The following PCNT variants were observed in gnomAD, a reference collection of about 807,000 sequenced individuals.
PCNT encodes the protein kendrin.
Under a neutral mutation model 380.4 loss-of-function variants are expected in PCNT, and 319 were observed. The observed-to-expected ratio is 0.84, with a 90% CI of 0.77 to 0.92. The LOEUF (loss-of-function observed/expected upper bound fraction) is 0.92. Ranked by LOEUF, PCNT falls within the 40% of genes least tolerant of loss-of-function variation. PCNT has a pLI of 0.00. For missense variants in PCNT, 4,400 were observed against 4,255.3 expected (o/e 1.03, Z -0.95); for synonymous variants, 1,845 against 1,735.2 (o/e 1.06, Z -1.57).
At chr21:46,440,264 G>A (rs1332622061) in intron 42 of PCNT, 62 bp downstream of exon 42, 2 of 1,586,412 alleles carry the variant, frequency 1.3e-6, no homozygotes, top group Admixed American at 1.7e-5. Flanking sequence ...TTTGCAAATT[G>A]CAGGCAAAGC....
chr21:46,373,783 GCA>G (rs761573174), intron 15 of PCNT, among the ~76,000 whole-genome samples: 21 of 134,826 alleles, frequency 1.6e-4, no homozygotes, highest in Non-Finnish European at 2.9e-4. Context: ...AGGCTGGAGT[GCA>G]GTGGCATGAT....
chr21:46,436,821 T>C (rs1288345460), intron 39 of PCNT, among the ~76,000 whole-genome samples, 158 bp from the exon 40 acceptor site: 2 of 152,150 alleles, frequency 1.3e-5, no homozygotes, highest in African/African-American at 4.8e-5. Context: ...GTTGCCCCCG[T>C]GGGCCCCTGG....
Position 46,427,678 on chromosome 21 carries a change from G to C in PCNT, c.7377G>C (p.Glu2459Asp). 6.2e-7 allele frequency: 1 copy of C among 1,613,978 alleles called. No individual in the cohort carries two copies. The highest frequency in any genetic ancestry group is 8.5e-7 in the Non-Finnish European group (1 of 1,180,016). ...WRGDLLQVVQ[E>D]AFEKEQEMQG... ...GGGACCTTCTGCAGGTTGTGCAAGA[G>C]GCCTTTGAAAAAGAGCAGGAGATGC... The change falls in exon 34 of 47, where the codon GAG becomes GAC. Residue 2459 changes from glutamate to aspartate, a missense_variant. Coordinates refer to ENST00000359568, the MANE Select transcript of PCNT (RefSeq NM_006031.6).
At chr21:46,438,888 G>A (rs999095038) in intron 41 of PCNT, among the ~76,000 whole-genome samples, 1 of 151,864 alleles carries the variant, frequency 6.6e-6, no homozygotes, top group Non-Finnish European at 1.5e-5. Context: ...GGCCAGGCTG[G>A]TCTCAAAATC....
In PCNT at chr21:46,357,144, T is replaced by A. The variant is rs771939607; in HGVS notation, c.2107T>A (p.Tyr703Asn). Residue 703 changes from tyrosine (Y) to asparagine (N), a missense_variant, in exon 13 of 47, where the codon TAT becomes AAT. Physicochemically the swap from Tyr to Asn is moderately radical, Grantham distance 143. Coordinates refer to ENST00000359568, the MANE Select transcript of PCNT (RefSeq NM_006031.6). ...CCTAAAAATAGAAAATAGAAATTTGTATGGGAAGTTGCAGCATGAAACTCG... is the reference window on the plus strand; with the variant it reads ...CCTAAAAATAGAAAATAGAAATTTGAATGGGAAGTTGCAGCATGAAACTCG... ...ELLKIENRNL[Y>N]GKLQHETRLK... 6.2e-7 allele frequency: 1 copy of A among 1,614,058 alleles called. No homozygotes were observed. The highest frequency in any genetic ancestry group is 1.1e-5 in the South Asian group (1 of 91,082).
In PCNT at chr21:46,349,799, C is replaced by G. The variant is rs756913706; in HGVS notation, c.1323C>G (p.Ser441Arg). 6.2e-7 allele frequency: 1 copy of G among 1,613,818 alleles called. No individual in the cohort carries two copies. Among genetic ancestry groups the G allele is most frequent in the African/African-American group, 1.3e-5 (1 of 74,850 alleles). Residue 441 changes from serine to arginine, a missense_variant, in exon 8 of 47, where the codon AGC becomes AGG. By Grantham distance (110) the Ser-to-Arg change is moderately radical. Coordinates refer to ENST00000359568, the MANE Select transcript of PCNT (RefSeq NM_006031.6). ...LEDLEFKFKE[S>R]EKEKQLELEN... Reference sequence around the variant, plus strand: ...ACTTGGAGTTCAAGTTCAAAGAGAGCGAGAAAGAAAAACAGCTGGAGGTGG... The same window carrying G: ...ACTTGGAGTTCAAGTTCAAAGAGAGGGAGAAAGAAAAACAGCTGGAGGTGG...
chr21:46,342,731 G>T (rs546091251), intron 3 of PCNT, among the ~76,000 whole-genome samples: 1 of 152,008 alleles, frequency 6.6e-6, no homozygotes, highest in Admixed American at 6.5e-5. Context: ...AGTAGAGACG[G>T]AGTTTCAGCA....
chr21:46,398,804 C>CT (rs940186027), intron 24 of PCNT, among the ~76,000 whole-genome samples: 7 of 144,570 alleles, frequency 4.8e-5, no homozygotes, highest in African/African-American at 1.5e-4. Context: ...GTATTCCATT[C>CT]TTTTTTTTTC....
chr21:46,430,543 C>G lies in PCNT; in HGVS notation c.7950C>G (p.Ala2650=). Residue 2650 remains alanine (A), a synonymous_variant, in exon 37 of 47, where the codon GCC becomes GCG. Coordinates refer to ENST00000359568, the MANE Select transcript of PCNT (RefSeq NM_006031.6). The part of the protein sequence containing the change: ...MLSSKENELK[A]ALQELESEQG... ...GCAGTAAGGAGAACGAGCTGAAGGC[C>G]GCGCTTCAGGAGCTGGAGAGTGAGC... 6.4e-7 allele frequency: 1 copy of G among 1,554,822 alleles called. No homozygotes were observed. Among genetic ancestry groups the G allele is most frequent in the Non-Finnish European group, 8.7e-7 (1 of 1,149,550 alleles).
At chr21:46,330,651 T>C (rs2083530642) in intron 2 of PCNT, among the ~76,000 whole-genome samples, 1 of 152,244 alleles carries the variant, frequency 6.6e-6, no homozygotes, top group Non-Finnish European at 1.5e-5. Flanking sequence ...ATATGTATTA[T>C]AAAATATTTC....
chr21:46,430,945 T>C (rs1296956286), intron 37 of PCNT: 19 of 984,998 alleles, frequency 1.9e-5, no homozygotes, highest in Middle Eastern at 5.2e-4. Flanking sequence ...GCCTCCTCGC[T>C]GGCATCCAGA....
In PCNT at chr21:46,431,917, C is replaced by G. The variant is rs200878443; in HGVS notation, c.8453C>G (p.Ser2818Cys). ...AAGGTGCAGCAGCAAGCCCTGCATTCTCAGCAGCAGCTTGAGGCTGAGGCT... is the reference window on the plus strand; with the variant it reads ...AAGGTGCAGCAGCAAGCCCTGCATTGTCAGCAGCAGCTTGAGGCTGAGGCT... ...LEKVQQQALHSQQQLEAEAQK... is the reference protein window; with the variant it reads ...LEKVQQQALHCQQQLEAEAQK... Residue 2818 changes from serine to cysteine, a missense_variant, in exon 38 of 47, where the codon TCT (serine) becomes TGT (cysteine). Ser to Cys is a moderately radical substitution (Grantham distance 112). Coordinates refer to ENST00000359568, the MANE Select transcript of PCNT (RefSeq NM_006031.6). 1 of 1,614,114 alleles carries G rather than the reference C, an allele frequency of 6.2e-7. No homozygotes were observed. Among genetic ancestry groups the G allele is most frequent in the Non-Finnish European group, 8.5e-7 (1 of 1,180,044 alleles).
chr21:46,359,491 G>GTTTTTTTTTTTTTTTTTTTTTTTTT (rs1219693835), intron 13 of PCNT, among the ~76,000 whole-genome samples: 11 of 66,074 alleles, frequency 1.7e-4, no homozygotes, highest in Non-Finnish European at 2.5e-4. Context: ...TTTTTTTTTT[G>GTTTTTTTTTTTTTTTTTTTTTTTTT]TTTTTTTTTT....
chr21:46,380,683 C>G (rs564039795), intron 15 of PCNT, among the ~76,000 whole-genome samples: 2 of 152,140 alleles, frequency 1.3e-5, no homozygotes, highest in South Asian at 2.1e-4. Context: ...CTTATGGACA[C>G]TCAGCCTGTG....
intron 15 of PCNT, among the ~76,000 whole-genome samples, chr21:46,367,340 A>T (rs1436468450): frequency 9.9e-5 from 13 of 130,880 alleles, no homozygotes; most frequent in South Asian, 2.3e-4. Flanking sequence ...CCGGAGTCTC[A>T]CTCTTTCGCC....
At position 46,363,943 on chromosome 21, in the gene PCNT, G is replaced by A; in HGVS notation, c.2609+9G>A. 1.2e-6 allele frequency: 2 copies of A among 1,602,674 alleles called. No individual in the cohort carries two copies. The highest frequency in any genetic ancestry group is 1.7e-6 in the Non-Finnish European group (2 of 1,179,282). On this transcript the variant is annotated intron_variant, in intron 14 of 46. Transcript: ENST00000359568. ...ATGCTGGCCCGGAGCAGGTGGGTTT[G>A]CAGTGACGCCATCTGCAGTCCCTGT...
Position 46,430,548 on chromosome 21 carries a change from T to G in PCNT, c.7955T>G (p.Leu2652Arg). Residue 2652 changes from leucine to arginine, a missense_variant, in exon 37 of 47, where the codon CTT becomes CGT. Coordinates refer to ENST00000359568, the MANE Select transcript of PCNT (RefSeq NM_006031.6). ...SSKENELKAA[L>R]QELESEQGKG... ...AAGGAGAACGAGCTGAAGGCCGCGCTTCAGGAGCTGGAGAGTGAGCAGGGG... is the reference window on the plus strand; with the variant it reads ...AAGGAGAACGAGCTGAAGGCCGCGCGTCAGGAGCTGGAGAGTGAGCAGGGG... 1 of 1,556,310 alleles carries G rather than the reference T, an allele frequency of 6.4e-7. No individual in the cohort carries two copies. The highest frequency in any genetic ancestry group is 8.7e-7 in the Non-Finnish European group (1 of 1,150,338).
intron 21 of PCNT, 121 bp downstream of exon 21, chr21:46,391,497 A>C (rs906065032): frequency 2.5e-6 from 2 of 798,290 alleles, no homozygotes; most frequent in Non-Finnish European, 4.0e-6. Flanking sequence ...ACCAGCACGC[A>C]GCTTCTCCTG....
chr21:46,364,066 G>A, intron 14 of PCNT, 132 bp downstream of exon 14: 1 of 781,134 alleles, frequency 1.3e-6, no homozygotes, highest in South Asian at 1.6e-5. Flanking sequence ...GCTGGAACAA[G>A]GTGTGGCGCT....
Sources: allele counts gnomAD v4.1 joint callset (sites outside exome capture counted in the v4.1 genomes callset), GRCh38; gene constraint gnomAD v4.1.1; transcripts MANE v1.5; gene names NCBI Gene and HGNC (gene_info 2026-07-23, HGNC 2026-07-21).